NELL2: variants seen among roughly 807,000 people sequenced by gnomAD.
NELL2 encodes the protein neural EGFL like 2.
Under a neutral mutation model 109.6 loss-of-function variants are expected in NELL2, and 41 were observed. That is an observed-to-expected ratio of 0.37 (90% CI 0.29 to 0.49). The LOEUF is 0.49. Ranked by LOEUF, NELL2 falls within the 20% of genes least tolerant of loss-of-function variation. The pLI is 0.98. For synonymous variants in NELL2, 355 were observed against 344.7 expected (o/e 1.03, Z -0.33); for missense variants, 900 against 1,008.3 (o/e 0.89, Z 1.45).
intron 13 of NELL2, among the ~76,000 whole-genome samples, chr12:44,638,657 T>C (rs1403885841): frequency 6.6e-6 from 1 of 152,306 alleles, no homozygotes; most frequent in Admixed American, 6.5e-5. Context: ...ACAACTCTTT[T>C]GTGGGTAAAC....
intron 13 of NELL2, among the ~76,000 whole-genome samples, chr12:44,660,467 A>T (rs1231929590): frequency 3.3e-5 from 5 of 152,196 alleles, no homozygotes; most frequent in Non-Finnish European, 5.9e-5. Flanking sequence ...ATATTACAGG[A>T]TGTTTAGTTG....
At chr12:44,846,367 T>C (rs1245603679) in intron 2 of NELL2, among the ~76,000 whole-genome samples, 1 of 152,220 alleles carries the variant, frequency 6.6e-6, no homozygotes, top group East Asian at 1.9e-4. Flanking sequence ...TTTATGAAGA[T>C]TCTTGACTCT....
chr12:44,881,849 A>C (rs1945415299), intron 1 of NELL2: 1 of 152,036 alleles, frequency 6.6e-6, no homozygotes, highest in Non-Finnish European at 1.5e-5. Context: ...GCTGAAAACA[A>C]TAGAAAAATG....
At chr12:44,680,896 T>C (rs1395720286) in intron 12 of NELL2, among the ~76,000 whole-genome samples, 2 of 152,174 alleles carry the variant, frequency 1.3e-5, no homozygotes, top group Non-Finnish European at 2.9e-5. Context: ...CAATGTATGT[T>C]GCTTTGACAA....
chr12:44,511,505 A>C (rs1941001722), intron 19 of NELL2, among the ~76,000 whole-genome samples: 2 of 152,216 alleles, frequency 1.3e-5, no homozygotes, highest in African/African-American at 4.8e-5. Flanking sequence ...GCAGAAAGCC[A>C]CAATCTCACT....
chr12:44,648,730 T>C (rs1566084734), intron 13 of NELL2, among the ~76,000 whole-genome samples: 1 of 91,976 alleles, frequency 1.1e-5, no homozygotes, highest in African/African-American at 6.4e-5. Context: ...TATATATATA[T>C]ATTTTTTTTT....
At chr12:44,598,213 T>G (rs1945048833) in intron 15 of NELL2, among the ~76,000 whole-genome samples, 1 of 149,950 alleles carries the variant, frequency 6.7e-6, no homozygotes, top group African/African-American at 2.4e-5. Flanking sequence ...AGTTATCTAT[T>G]AGATGGATAG....
At chr12:44,527,085 T>C (rs1941818902) in intron 16 of NELL2, among the ~76,000 whole-genome samples, 1 of 152,250 alleles carries the variant, frequency 6.6e-6, no homozygotes, top group South Asian at 2.1e-4. Context: ...TTCCTTGATG[T>C]TAAAGAGCAA....
chr12:44,633,357 G>C (rs1297026902), intron 13 of NELL2, among the ~76,000 whole-genome samples: 1 of 152,082 alleles, frequency 6.6e-6, no homozygotes, highest in Non-Finnish European at 1.5e-5. Flanking sequence ...GTTTTACTTT[G>C]TGATAAGTTA....
intron 12 of NELL2, among the ~76,000 whole-genome samples, chr12:44,682,298 A>G (rs1351871951): frequency 6.6e-6 from 1 of 150,468 alleles, no homozygotes; most frequent in African/African-American, 2.5e-5. Context: ...GTTTGAGTTC[A>G]TTGTAGATTC....
In NELL2 at chr12:44,677,559, T is replaced by C. The variant is rs367629615; in HGVS notation, c.1319-11950A>G. Among the ~76,000 whole-genome samples the C allele has an allele frequency of 1.2e-4, 19 of 152,230 alleles. No homozygotes were observed. The South Asian group carries it at 2.1e-3, about 17-fold the overall frequency. ...GGGTGTTCAGCAGGGACATGAGATGTTATTATTGCTAAACAATATCTTTAT... is the reference window on the plus strand; with the variant it reads ...GGGTGTTCAGCAGGGACATGAGATGCTATTATTGCTAAACAATATCTTTAT... On this transcript the variant is annotated intron_variant, in intron 12 of 19. Coordinates refer to ENST00000429094, the MANE Select transcript of NELL2 (RefSeq NM_001145108.2).
chr12:44,859,558 A>T (rs1944778446), intron 2 of NELL2, among the ~76,000 whole-genome samples: 1 of 152,158 alleles, frequency 6.6e-6, no homozygotes, highest in Admixed American at 6.5e-5. Context: ...AAATAAAAAT[A>T]AACAGGAGAC....
At chr12:44,835,192 T>A (rs1944015493) in intron 2 of NELL2, among the ~76,000 whole-genome samples, 1 of 152,098 alleles carries the variant, frequency 6.6e-6, no homozygotes, top group Non-Finnish European at 1.5e-5. Context: ...GGACAGTCAT[T>A]AGTCTCTCAG....
intron 3 of NELL2, among the ~76,000 whole-genome samples, chr12:44,809,348 A>T (rs1348950107): frequency 6.6e-6 from 1 of 152,084 alleles, no homozygotes; most frequent in East Asian, 1.9e-4. Flanking sequence ...ATGAATCAAT[A>T]TGTTAAAAAT....
At chr12:44,646,169 A>G (rs1189243770) in intron 13 of NELL2, among the ~76,000 whole-genome samples, 1 of 152,266 alleles carries the variant, frequency 6.6e-6, no homozygotes, top group Admixed American at 6.5e-5. Flanking sequence ...TACTGAAAAT[A>G]TCTCACATAT....
At chr12:44,702,223 C>T (rs1042006293) in intron 12 of NELL2, among the ~76,000 whole-genome samples, 1 of 152,006 alleles carries the variant, frequency 6.6e-6, no homozygotes, top group Non-Finnish European at 1.5e-5. Flanking sequence ...TTTTACTACC[C>T]GAAATTGTCT....
intron 11 of NELL2, among the ~76,000 whole-genome samples, chr12:44,708,223 T>G (rs976293743): frequency 2.0e-5 from 3 of 152,170 alleles, no homozygotes; most frequent in African/African-American, 7.2e-5. Flanking sequence ...AGCGGAAAAC[T>G]TTTCTGCTAC....
chr12:44,599,724 A>G (rs1043001481), intron 15 of NELL2, among the ~76,000 whole-genome samples: 1 of 152,176 alleles, frequency 6.6e-6, no homozygotes, highest in East Asian at 1.9e-4. Context: ...TCAGTCGTCT[A>G]AAGGAGTCCC....
At chr12:44,698,503 C>A (rs553568673) in intron 12 of NELL2, among the ~76,000 whole-genome samples, 20 of 152,066 alleles carry the variant, frequency 1.3e-4, no homozygotes, top group African/African-American at 4.3e-4. Flanking sequence ...TGGGTCCTGG[C>A]TGGTTAGGAG....
Sources: gnomAD v4.1 joint callset for allele counts (sites outside exome capture counted in the v4.1 genomes callset) on GRCh38, gnomAD v4.1.1 for gene constraint, MANE v1.5 for transcripts, NCBI Gene and HGNC (gene_info 2026-07-23, HGNC 2026-07-21) for gene names.